The following TCEAL1 variants were observed in gnomAD, a reference collection of about 807,000 sequenced individuals.
The protein encoded by TCEAL1 is transcription elongation factor A protein-like 1.
For missense variants in TCEAL1, 82 were observed against 125.9 expected, an observed-to-expected ratio of 0.65 and a Z score of 1.67; for synonymous variants, 48 against 46.0, an observed-to-expected ratio of 1.04 and a Z score of -0.17.
At position 103,630,923 on chromosome X, in the gene TCEAL1, T is replaced by C. The variant is rs2073721125; in HGVS notation, c.*527T>C. ...TCAGCTTATAACGACAATGTGGCAC[T>C]TAATAAATACTTGTCAGAACTTTAA... On this transcript the variant is annotated 3_prime_UTR_variant, in exon 3 of 3. Transcript: ENST00000372625. 8.1e-6 allele frequency: 1 copy of C among 123,913 alleles called. No homozygotes were observed. The allele number at this position is 123,913 out of a possible 1,213,427, so 10.2% of individuals were successfully genotyped here. A position where few individuals can be genotyped will look rare whatever the true frequency, so the allele number is the denominator to read the frequency against.
Position 103,630,425 on chromosome X carries a change from T to G in TCEAL1, c.*29T>G. ...GTTCGGCCTTTAATTCTGTTTTGCCTGCTAATAGTATTGCCATTGCCACCT... is the reference window on the plus strand; with the variant it reads ...GTTCGGCCTTTAATTCTGTTTTGCCGGCTAATAGTATTGCCATTGCCACCT... On this transcript the variant is annotated 3_prime_UTR_variant, in exon 3 of 3. Transcript: ENST00000372625. 8.8e-7 allele frequency: 1 copy of G among 1,134,155 alleles called. No individual in the cohort carries two copies. The highest frequency in any genetic ancestry group is 1.2e-6 in the Non-Finnish European group (1 of 856,879). 93.5% of individuals were successfully genotyped at this position (1,134,155 alleles called of 1,213,427 possible). A position where few individuals can be genotyped will look rare whatever the true frequency, so the allele number is the denominator to read the frequency against.
At position 103,630,321 on chromosome X, in the gene TCEAL1, A is replaced by G; in HGVS notation, c.405A>G (p.Glu135=). The G allele has an allele frequency of 8.3e-7, 1 of 1,211,946 alleles. No homozygotes were observed. Among genetic ancestry groups the G allele is most frequent in the African/African-American group, 1.7e-5 (1 of 57,875 alleles). The change falls in exon 3 of 3, where the codon GAA becomes GAG. Residue 135 remains glutamate, a synonymous_variant. Transcript: ENST00000372625. ...EEMIQAADEL[E]EMKRVRNKLM... is the part of the protein sequence containing the mutation. The stretch of plus-strand genomic sequence containing the variant: ...TGATACAGGCAGCAGATGAGCTAGA[A>G]GAGATGAAAAGAGTAAGAAACAAAC...
chrX:103,628,789 G>A (rs926201908), upstream of TCEAL1: 9 of 110,906 alleles, frequency 8.1e-5, no homozygotes, highest in African/African-American at 2.6e-4. Context: ...CAAATACAAA[G>A]AGAGGTGAGT....
At chrX:103,629,104 G>C (rs983154870) in intron 1 of TCEAL1, 79 bp downstream of exon 1, 17 of 112,250 alleles carry the variant, frequency 1.5e-4, no homozygotes, top group African/African-American at 5.5e-4. Context: ...TGACAGAATC[G>C]GGATGGCGGA....
chrX:103,628,787 AAG>A (rs1340808455), upstream of TCEAL1: 1 of 110,472 alleles, frequency 9.1e-6, no homozygotes, highest in Non-Finnish European at 1.9e-5. Context: ...GGCAAATACA[AAG>A]AGAGGTGAGT....
chrX:103,629,828 G>GGT, intron 2 of TCEAL1, 57 bp from the exon 3 acceptor site: 1 of 1,044,549 alleles, frequency 9.6e-7, no homozygotes, highest in Non-Finnish European at 1.2e-6. Context: ...CCACGGCCTG[G>GGT]GTGTTAGTCC....
At chrX:103,629,251 A>G (rs1449325466) in intron 1 of TCEAL1, among the ~76,000 whole-genome samples, 1 of 111,576 alleles carries the variant, frequency 9.0e-6, no homozygotes, top group Non-Finnish European at 1.9e-5. Flanking sequence ...ATTTGGAAAT[A>G]GTTTCTAAAA....
At chrX:103,629,167 GCAAAATA>G (rs1343617864) in intron 1 of TCEAL1, 142 bp downstream of exon 1, 1 of 112,319 alleles carries the variant, frequency 8.9e-6, no homozygotes, top group Non-Finnish European at 1.9e-5. Flanking sequence ...ACATTTCTGT[GCAAAATA>G]TGGTGGTCTT....
Position 103,630,809 on chromosome X carries a change from G to A in TCEAL1, c.*413G>A, listed in dbSNP as rs1210706094. 1.6e-5 allele frequency: 2 copies of A among 123,685 alleles called. No individual in the cohort carries two copies. The highest frequency in any genetic ancestry group is 3.7e-5 in the Non-Finnish European group (2 of 53,717). The allele number at this position is 123,685 out of a possible 1,213,427, so 10.2% of individuals were successfully genotyped here. A position where few individuals can be genotyped will look rare whatever the true frequency, so the allele number is the denominator to read the frequency against. ...GATTTTTTAAATTTTTGTTTTATCT[G>A]AATTTCTCATTTTTTCAGGACAAAC... On this transcript the variant is annotated 3_prime_UTR_variant, in exon 3 of 3. Transcript: ENST00000372625.
Position 103,630,003 on chromosome X carries a change from C to A in TCEAL1, c.87C>A (p.Pro29=), listed in dbSNP as rs1443299942. 1.7e-6 allele frequency: 2 copies of A among 1,202,397 alleles called. No homozygotes were observed. Among genetic ancestry groups the A allele is most frequent in the South Asian group, 1.8e-5 (1 of 55,662 alleles). ...AGAGGCCTCCGGTGGAGCACTCTCC[C>A]GAAAAGCAGTCCCCCGAGGAGCAGT... ...DEERPPVEHS[P]EKQSPEEQSS... The change falls in exon 3 of 3, where the codon CCC becomes CCA. Residue 29 remains proline, a synonymous_variant. Coordinates refer to ENST00000372625, the MANE Select transcript of TCEAL1 (RefSeq NM_004780.3).
Position 103,630,457 on chromosome X carries a change from T to C in TCEAL1, c.*61T>C. The C allele has an allele frequency of 1.9e-6, 2 of 1,074,621 alleles. No individual in the cohort carries two copies. Among genetic ancestry groups the C allele is most frequent in the East Asian group, 3.4e-5 (1 of 29,828 alleles). The allele number at this position is 1,074,621 out of a possible 1,213,427, so 88.6% of individuals were successfully genotyped here. On this transcript the variant is annotated 3_prime_UTR_variant, in exon 3 of 3. Coordinates refer to ENST00000372625, the MANE Select transcript of TCEAL1 (RefSeq NM_004780.3). ...AGTATTGCCATTGCCACCTGGACTT[T>C]CTGTTTGCATTTTCTTAATGCCTTT...
intron 2 of TCEAL1, 134 bp from the exon 3 acceptor site, chrX:103,629,751 A>G: frequency 1.9e-6 from 1 of 537,465 alleles, no homozygotes; most frequent in Non-Finnish European, 2.7e-6. Context: ...GGAGAGCCGG[A>G]GAGCCTCTGG....
Position 103,630,603 on chromosome X carries a change from T to C in TCEAL1, c.*207T>C. 2.5e-6 allele frequency: 1 copy of C among 407,773 alleles called. No individual in the cohort carries two copies. The highest frequency in any genetic ancestry group is 6.3e-5 in the South Asian group (1 of 15,790). 33.6% of individuals were successfully genotyped at this position (407,773 alleles called of 1,213,427 possible). A position where few individuals can be genotyped will look rare whatever the true frequency, so the allele number is the denominator to read the frequency against. Reference sequence around the variant, plus strand: ...GTTTCCCTCTTTCAGTCATGAGCCCTACACATTTGCATGAAAGATGTACAT... The same window carrying C: ...GTTTCCCTCTTTCAGTCATGAGCCCCACACATTTGCATGAAAGATGTACAT... On this transcript the variant is annotated 3_prime_UTR_variant, in exon 3 of 3. Coordinates refer to ENST00000372625, the MANE Select transcript of TCEAL1 (RefSeq NM_004780.3).
Position 103,630,513 on chromosome X carries a change from G to A in TCEAL1, c.*117G>A, listed in dbSNP as rs1327399432. On this transcript the variant is annotated 3_prime_UTR_variant, in exon 3 of 3. Transcript: ENST00000372625. ...TATTCTGAATTTTAACTTTTTGTGA[G>A]GCTTTATTTTAGATGTTTAGCATGT... 1.1e-6 allele frequency: 1 copy of A among 872,102 alleles called. No homozygotes were observed. The highest frequency in any genetic ancestry group is 2.1e-5 in the African/African-American group (1 of 48,339). The allele number at this position is 872,102 out of a possible 1,213,427, so 71.9% of individuals were successfully genotyped here.
chrX:103,630,080 C>T lies in TCEAL1; in HGVS notation c.164C>T (p.Pro55Leu). The change falls in exon 3 of 3, where the codon CCT (proline) becomes CTT (leucine). Residue 55 changes from proline to leucine, a missense_variant. Pro to Leu is a moderately conservative substitution (Grantham distance 98). Transcript: ENST00000372625. ...GAGTTCTTTCCTGAGGAGCTCTTGC[C>T]TGAGCTCCTGCCTGAGATGCTCCTC... ...EEEFFPEELL[P>L]ELLPEMLLSE... 1 of 1,210,025 alleles carries T rather than the reference C, an allele frequency of 8.3e-7. No individual in the cohort carries two copies. Among genetic ancestry groups the T allele is most frequent in the Non-Finnish European group, 1.1e-6 (1 of 894,532 alleles).
rs1172738481 is a variant in TCEAL1, at chrX:103,630,433, G to A, written c.*37G>A. On this transcript the variant is annotated 3_prime_UTR_variant, in exon 3 of 3. Transcript: ENST00000372625. ...TTTAATTCTGTTTTGCCTGCTAATA[G>A]TATTGCCATTGCCACCTGGACTTTC... 9.0e-7 allele frequency: 1 copy of A among 1,116,214 alleles called. No individual in the cohort carries two copies. Among genetic ancestry groups the A allele is most frequent in the Non-Finnish European group, 1.2e-6 (1 of 848,353 alleles). 92.0% of individuals were successfully genotyped at this position (1,116,214 alleles called of 1,213,427 possible). A position where few individuals can be genotyped will look rare whatever the true frequency, so the allele number is the denominator to read the frequency against.
intron 2 of TCEAL1, 135 bp from the exon 3 acceptor site, chrX:103,629,750 G>C: frequency 1.9e-6 from 1 of 538,461 alleles, no homozygotes. Context: ...GGGAGAGCCG[G>C]AGAGCCTCTG....
Position 103,629,971 on chromosome X carries a change from G to A in TCEAL1, c.55G>A (p.Asp19Asn), listed in dbSNP as rs1456424885. 2 of 1,182,910 alleles carry A rather than the reference G, an allele frequency of 1.7e-6. No homozygotes were observed. Among genetic ancestry groups the A allele is most frequent in the Non-Finnish European group, 2.3e-6 (2 of 880,666 alleles). ...EEEPQSAPKT[D>N]EERPPVEHSP... is the part of the protein sequence containing the mutation. ...AGAGCCGCAGAGCGCGCCCAAGACC[G>A]ATGAGGAGAGGCCTCCGGTGGAGCA... The change falls in exon 3 of 3, where the codon GAT (aspartate) becomes AAT (asparagine). Residue 19 changes from aspartate (D) to asparagine (N), a missense_variant. Coordinates refer to ENST00000372625, the MANE Select transcript of TCEAL1 (RefSeq NM_004780.3).
chrX:103,629,798 G>T, intron 2 of TCEAL1, 87 bp from the exon 3 acceptor site: 1 of 909,618 alleles, frequency 1.1e-6, no homozygotes, highest in Admixed American at 4.5e-5. Context: ...CCCGAATCAG[G>T]AAAAGGCAGG....
Sources: allele counts gnomAD v4.1 joint callset (sites outside exome capture counted in the v4.1 genomes callset), GRCh38; gene constraint gnomAD v4.1.1; transcripts MANE v1.5; gene names NCBI Gene and HGNC (gene_info 2026-07-23, HGNC 2026-07-21).